Variants in NEK11 observed in about 807,000 individuals in gnomAD.
The protein encoded by NEK11 is serine/threonine-protein kinase Nek11.
Under a neutral mutation model 80.7 loss-of-function variants are expected in NEK11, and 72 were observed. That is an observed-to-expected ratio of 0.89 (90% CI 0.74 to 1.08). The LOEUF (loss-of-function observed/expected upper bound fraction) is 1.08, where lower values mean the gene tolerates loss of function less well. Among genes scored for constraint, NEK11 ranks in the 50% least tolerant of loss-of-function variants. The pLI is 0.00. For synonymous variants in NEK11, 251 were observed against 260.7 expected, an observed-to-expected ratio of 0.96 and a Z score of 0.36; for missense variants, 764 against 763.6, an observed-to-expected ratio of 1.00 and a Z score of -0.01.
intron 4 of NEK11, among the ~76,000 whole-genome samples, chr3:131,091,488 G>C (rs751555689): frequency 2.0e-5 from 3 of 152,136 alleles, no homozygotes; most frequent in Non-Finnish European, 2.9e-5. Flanking sequence ...ATTGTAAGCA[G>C]GTGATTGTCA....
At chr3:131,219,458 G>A (rs370638248) in intron 14 of NEK11, among the ~76,000 whole-genome samples, 1 of 151,946 alleles carries the variant, frequency 6.6e-6, no homozygotes, top group Non-Finnish European at 1.5e-5. Context: ...TGGGTTGATG[G>A]GTGCAGCAAA....
intron 3 of NEK11, among the ~76,000 whole-genome samples, chr3:131,063,638 A>G (rs1379794116): frequency 2.0e-5 from 3 of 152,284 alleles, no homozygotes; most frequent in Non-Finnish European, 4.4e-5. Context: ...GAATACCTTG[A>G]ACTGGAGGCT....
rs994687940 is a variant in NEK11, at chr3:131,263,465, C to T, written c.1622-10013C>T. ...ACAAGTACCATGCTGTTTTGGTTAC[C>T]GTAGCCTTGTAGTATAGTTTGAAGT... On this transcript the variant is annotated intron_variant, in intron 16 of 17. Coordinates refer to ENST00000383366, the MANE Select transcript of NEK11 (RefSeq NM_024800.5). Among the ~76,000 whole-genome samples the T allele has an allele frequency of 1.7e-4, 26 of 152,100 alleles. 1 individual carries two copies. Among genetic ancestry groups the T allele is most frequent in the Admixed American group, 1.3e-4 (2 of 15,266 alleles).
chr3:131,184,780 C>T (rs2093528507), intron 14 of NEK11: 1 of 1,121,400 alleles, frequency 8.9e-7, no homozygotes, highest in East Asian at 3.1e-5. Context: ...GAAATAGAAT[C>T]CTCCATGCAT....
At chr3:131,197,511 G>T (rs2094066501) in intron 14 of NEK11, among the ~76,000 whole-genome samples, 2 of 152,270 alleles carry the variant, frequency 1.3e-5, no homozygotes, top group Admixed American at 6.5e-5. Flanking sequence ...GGCCTGAAGT[G>T]CAGGGGATTA....
chr3:131,256,821 T>C (rs1245531471), intron 16 of NEK11, among the ~76,000 whole-genome samples: 1 of 152,112 alleles, frequency 6.6e-6, no homozygotes, highest in African/African-American at 2.4e-5. Flanking sequence ...CCCTTCCAAA[T>C]TGGCCTTTCC....
chr3:131,255,092 GAA>G (rs2095788709), intron 16 of NEK11, among the ~76,000 whole-genome samples: 1 of 127,850 alleles, frequency 7.8e-6, no homozygotes, highest in African/African-American at 2.7e-5. Flanking sequence ...AAGAAAGAAA[GAA>G]AGAAAGAAAG....
chr3:131,129,911 T>G (rs1158645461), intron 5 of NEK11, among the ~76,000 whole-genome samples: 1 of 152,222 alleles, frequency 6.6e-6, no homozygotes, highest in African/African-American at 2.4e-5. Flanking sequence ...GACCCAATAT[T>G]ATGGATCTTT....
intron 16 of NEK11, among the ~76,000 whole-genome samples, chr3:131,262,417 CA>C (rs958466673): frequency 3.3e-5 from 5 of 152,128 alleles, no homozygotes; most frequent in African/African-American, 1.2e-4. Flanking sequence ...ATATGCCTAT[CA>C]TATTCTATAG....
intron 4 of NEK11, among the ~76,000 whole-genome samples, chr3:131,097,314 A>T (rs1410862214): frequency 6.6e-6 from 1 of 151,818 alleles, no homozygotes; most frequent in Non-Finnish European, 1.5e-5. Context: ...CACCACACTG[A>T]CTTCCACAAT....
intron 3 of NEK11, among the ~76,000 whole-genome samples, chr3:131,061,229 A>G (rs2070799904): frequency 6.6e-6 from 1 of 152,212 alleles, no homozygotes; most frequent in Non-Finnish European, 1.5e-5. Flanking sequence ...CAGTATATTC[A>G]GAGGTAAACA....
intron 17 of NEK11, among the ~76,000 whole-genome samples, chr3:131,291,992 C>T (rs552743988): frequency 6.6e-6 from 1 of 152,264 alleles, no homozygotes; most frequent in Admixed American, 6.5e-5. Flanking sequence ...AAAGTCATTG[C>T]CATACTCAAG....
chr3:131,088,499 G>A (rs1242781826), intron 4 of NEK11, among the ~76,000 whole-genome samples: 2 of 152,228 alleles, frequency 1.3e-5, no homozygotes, highest in Non-Finnish European at 2.9e-5. Context: ...TATGACATTT[G>A]GGGTAAGGCT....
chr3:131,106,602 C>T (rs992982010), intron 4 of NEK11, among the ~76,000 whole-genome samples: 1 of 152,024 alleles, frequency 6.6e-6, no homozygotes, highest in Non-Finnish European at 1.5e-5. Context: ...AGCCAATATA[C>T]TTTTATTAGC....
chr3:131,178,609 C>G (rs2718878), intron 14 of NEK11, among the ~76,000 whole-genome samples: 123,861 of 152,186 alleles, frequency 0.81, 50,501 homozygotes, highest in East Asian at 0.85. Context: ...CATGCAGGGA[C>G]CTGTCACCTC....
intron 16 of NEK11, among the ~76,000 whole-genome samples, chr3:131,272,764 C>T (rs1419036043): frequency 6.6e-6 from 1 of 152,150 alleles, no homozygotes; most frequent in African/African-American, 2.4e-5. Context: ...GCATGAGCCA[C>T]TGCACCCAAC....
At chr3:131,320,098 A>C (rs2096882606) in intron 17 of NEK11, among the ~76,000 whole-genome samples, 1 of 152,104 alleles carries the variant, frequency 6.6e-6, no homozygotes. Context: ...GATTGCCCAT[A>C]TGTTAGATCT....
chr3:131,212,052 T>C (rs904258817), intron 14 of NEK11, among the ~76,000 whole-genome samples: 1 of 152,164 alleles, frequency 6.6e-6, no homozygotes, highest in Admixed American at 6.5e-5. Context: ...GCGCTCTGGT[T>C]TTTAGAATTA....
chr3:131,258,501 C>T (rs1194599691), intron 16 of NEK11, among the ~76,000 whole-genome samples: 1 of 152,144 alleles, frequency 6.6e-6, no homozygotes, highest in Admixed American at 6.6e-5. Context: ...CAAACATTGG[C>T]TAGTGTCTCC....
Sources: allele counts gnomAD v4.1 joint callset (sites outside exome capture counted in the v4.1 genomes callset), GRCh38; gene constraint gnomAD v4.1.1; transcripts MANE v1.5; gene names NCBI Gene and HGNC (gene_info 2026-07-23, HGNC 2026-07-21).